The following ACCSL variants were observed in gnomAD, a reference collection of about 807,000 sequenced individuals.
ACCSL encodes 1-aminocyclopropane-1-carboxylate synthase homolog (inactive) like, also known as probable inactive 1-aminocyclopropane-1-carboxylate synthase-like protein 2.
In ACCSL, 55 loss-of-function variants were observed where a neutral mutation model predicts 61.7. The ratio of observed to expected loss-of-function variants is 0.89; its 90% CI spans 0.72 to 1.12. The LOEUF (loss-of-function observed/expected upper bound fraction) is 1.12. Among genes scored for constraint, ACCSL ranks in the 50% most tolerant of loss-of-function variants. ACCSL has a pLI of 0.00. For missense variants in ACCSL, 632 were observed against 698.0 expected, an observed-to-expected ratio of 0.91 and a Z score of 1.07; for synonymous variants, 258 against 264.3, an observed-to-expected ratio of 0.98 and a Z score of 0.23.
the ACCSL span, chr11:43,971,316 A>G: frequency 6.6e-6 from 1 of 151,954 alleles, no homozygotes; most frequent in African/African-American, 2.4e-5. Flanking sequence ...AAAGAAAGCC[A>G]GTAACATTAG....
chr11:43,931,656 T>TA, the ACCSL span, among the ~76,000 whole-genome samples: 1 of 152,210 alleles, frequency 6.6e-6, no homozygotes, highest in Non-Finnish European at 1.5e-5. Context: ...TCTGGGAAGA[T>TA]ACATTTAAGG....
the ACCSL span, among the ~76,000 whole-genome samples, chr11:43,935,237 A>T: frequency 1.6e-3 from 238 of 152,220 alleles, no homozygotes; most frequent in African/African-American, 5.6e-3. Flanking sequence ...AAGGCCACAG[A>T]GTGTGTACAC....
Position 44,048,507 on chromosome 11 carries a change from A to G in ACCSL, c.471A>G (p.Gln157=), listed in dbSNP as rs1177414281. 6.9e-7 allele frequency: 1 copy of G among 1,447,384 alleles called. No homozygotes were observed. The highest frequency in any genetic ancestry group is 1.9e-5 in the Admixed American group (1 of 51,694). The allele number at this position is 1,447,384 out of a possible 1,614,324, so 89.7% of individuals were successfully genotyped here. ...QSSFQDYNAY[Q]KDKYHKDKNT... is the part of the protein sequence containing the mutation. ...GCTTCCAGGACTACAATGCCTACCAAAAAGATAAATATCATAAGGACAAGA... is the reference window on the plus strand; with the variant it reads ...GCTTCCAGGACTACAATGCCTACCAGAAAGATAAATATCATAAGGACAAGA... Residue 157 remains glutamine (Q), a synonymous_variant, in exon 1 of 14, where the codon CAA becomes CAG. Transcript: ENST00000378832.
At chr11:44,039,063 G>A in the ACCSL span, among the ~76,000 whole-genome samples, 7 of 152,024 alleles carry the variant, frequency 4.6e-5, no homozygotes, top group Non-Finnish European at 1.0e-4. Context: ...ACAATACTTG[G>A]TATCTAATAG....
the ACCSL span, among the ~76,000 whole-genome samples, chr11:43,997,476 G>A: frequency 6.6e-6 from 1 of 152,306 alleles, no homozygotes; most frequent in East Asian, 1.9e-4. Flanking sequence ...GCTGCAACCT[G>A]TTTGGCAGCT....
the ACCSL span, among the ~76,000 whole-genome samples, chr11:43,922,692 T>A: frequency 6.6e-6 from 1 of 152,206 alleles, no homozygotes; most frequent in Non-Finnish European, 1.5e-5. Flanking sequence ...CCTTCAGAGA[T>A]ATGAAACTTT....
At chr11:44,055,604 T>C (rs1001190888) in intron 9 of ACCSL, among the ~76,000 whole-genome samples, 1 of 152,232 alleles carries the variant, frequency 6.6e-6, no homozygotes, top group African/African-American at 2.4e-5. Flanking sequence ...GGCAGAACCT[T>C]CTGAAGGGTA....
the ACCSL span, among the ~76,000 whole-genome samples, chr11:43,972,335 G>A: frequency 6.6e-6 from 1 of 152,184 alleles, no homozygotes; most frequent in Non-Finnish European, 1.5e-5. Flanking sequence ...CCCTCACTCA[G>A]TTTTTATTCC....
chr11:44,058,619 C>G lies in ACCSL; in HGVS notation c.1544C>G (p.Ser515Cys), dbSNP rs777858451. The G allele has an allele frequency of 1.2e-6, 2 of 1,614,124 alleles. No individual in the cohort carries two copies. Among genetic ancestry groups the G allele is most frequent in the Non-Finnish European group, 1.7e-6 (2 of 1,180,016 alleles). ...TTCCTGGACAACAAGCTATTGTTAT[C>G]CCGTGGCAAAACCTACATGTGTAAG... ...CRFLDNKLLL[S>C]RGKTYMCKEP... is the part of the protein sequence containing the mutation. The change falls in exon 13 of 14, where the codon TCC (serine) becomes TGC (cysteine). Residue 515 changes from serine to cysteine, a missense_variant. By Grantham distance (112) the Ser-to-Cys change is moderately radical (BLOSUM62 -1). Coordinates refer to ENST00000378832, the MANE Select transcript of ACCSL (RefSeq NM_001031854.2).
the ACCSL span, among the ~76,000 whole-genome samples, chr11:43,968,107 G>A: frequency 1.3e-5 from 2 of 152,106 alleles, no homozygotes; most frequent in Admixed American, 6.6e-5. Context: ...TGATGCTACT[G>A]GCATCTAGTA....
chr11:44,036,597 C>T, the ACCSL span, among the ~76,000 whole-genome samples: 1 of 151,796 alleles, frequency 6.6e-6, no homozygotes, highest in Non-Finnish European at 1.5e-5. Flanking sequence ...GCCTGGCCAA[C>T]ATGGCAAAAC....
At chr11:44,016,143 A>G in the ACCSL span, among the ~76,000 whole-genome samples, 1 of 152,074 alleles carries the variant, frequency 6.6e-6, no homozygotes, top group Non-Finnish European at 1.5e-5. Context: ...TTGTGCCTTG[A>G]TAAAGCCAGG....
chr11:44,051,846 T>G (rs1276502189), intron 5 of ACCSL, 127 bp downstream of exon 5: 1 of 1,062,550 alleles, frequency 9.4e-7, no homozygotes, highest in Non-Finnish European at 1.4e-6. Context: ...GTGGTGGGCC[T>G]TCTCCCACAC....
chr11:44,025,950 C>T, the ACCSL span, among the ~76,000 whole-genome samples: 1 of 152,192 alleles, frequency 6.6e-6, no homozygotes, highest in African/African-American at 2.4e-5. Context: ...AGTAACTTTG[C>T]TCTTGTTGTG....
the ACCSL span, among the ~76,000 whole-genome samples, chr11:44,025,656 T>C: frequency 6.6e-6 from 1 of 152,224 alleles, no homozygotes; most frequent in African/African-American, 2.4e-5. Context: ...TCTATATTTA[T>C]TCATGTGGAT....
the ACCSL span, chr11:43,974,180 T>C: frequency 6.6e-6 from 1 of 152,234 alleles, no homozygotes; most frequent in South Asian, 2.1e-4. Flanking sequence ...GAGAATCACA[T>C]TGATGGGCTG....
intron 11 of ACCSL, among the ~76,000 whole-genome samples, chr11:44,056,644 C>A (rs1385982994): frequency 6.6e-6 from 1 of 152,010 alleles, no homozygotes; most frequent in Admixed American, 6.5e-5. Flanking sequence ...ACCAGCCTGG[C>A]CAACAAGGTG....
At chr11:43,967,980 A>G in the ACCSL span, among the ~76,000 whole-genome samples, 3 of 152,044 alleles carry the variant, frequency 2.0e-5, no homozygotes, top group African/African-American at 7.2e-5. Flanking sequence ...TATACCAGGG[A>G]TCTCGGTTTA....
the ACCSL span, among the ~76,000 whole-genome samples, chr11:43,924,510 G>C: frequency 2.0e-5 from 3 of 152,252 alleles, no homozygotes; most frequent in Non-Finnish European, 4.4e-5. Context: ...GGAAGGACGG[G>C]GGCAGGCGAG....
Sources: gnomAD v4.1 joint callset for allele counts (sites outside exome capture counted in the v4.1 genomes callset) on GRCh38, gnomAD v4.1.1 for gene constraint, MANE v1.5 for transcripts, NCBI Gene and HGNC (gene_info 2026-07-23, HGNC 2026-07-21) for gene names.